Variants in CCL11 observed in about 807,000 individuals in gnomAD.
The protein encoded by CCL11 is C-C motif chemokine ligand 11, also known as eotaxin.
CCL11 carries 7 observed loss-of-function variants against 7.3 expected under a neutral mutation model. The observed-to-expected ratio is 0.96, with a 90% confidence interval of 0.55 to 1.81. The LOEUF is 1.81. Ranked by LOEUF, CCL11 falls within the 40% of genes most tolerant of loss-of-function variation. CCL11 has a pLI of 0.00. For synonymous variants in CCL11, 66 were observed against 45.2 expected (o/e 1.46, Z -1.84); for missense variants, 132 against 114.2 (o/e 1.16, Z -0.71).
At chr17:34,287,327 A>T in intron 2 of CCL11, 120 bp downstream of exon 2, 1 of 723,522 alleles carries the variant, frequency 1.4e-6, no homozygotes, top group Non-Finnish European at 2.4e-6. Flanking sequence ...CTATGGTCCA[A>T]TTCATTAATT....
Position 34,285,844 on chromosome 17 carries a change from C to T in CCL11, c.36C>T (p.Leu12=), listed in dbSNP as rs200074672. The T allele has an allele frequency of 5.0e-6, 8 of 1,612,664 alleles. No individual in the cohort carries two copies. The Admixed American group carries it at 1.0e-4, about 20-fold the overall frequency. Residue 12 remains leucine, a synonymous_variant, in exon 1 of 3, where the codon CTC becomes CTT. Transcript: ENST00000305869. The part of the protein sequence containing the change: ...KVSAALLWLL[L]IAAAFSPQGL... ...CCGCAGCACTTCTGTGGCTGCTGCTCATAGCAGCTGCCTTCAGCCCCCAGG... is the reference window on the plus strand; with the variant it reads ...CCGCAGCACTTCTGTGGCTGCTGCTTATAGCAGCTGCCTTCAGCCCCCAGG...
At chr17:34,286,471 A>G (rs1908636428) in intron 1 of CCL11, among the ~76,000 whole-genome samples, 1 of 152,232 alleles carries the variant, frequency 6.6e-6, no homozygotes, top group South Asian at 2.1e-4. Flanking sequence ...GAATTAACTA[A>G]ATTAACAAAA....
Position 34,285,904 on chromosome 17 carries a change from A to G in CCL11, c.76+20A>G, listed in dbSNP as rs748816554. The G allele has an allele frequency of 3.2e-6, 5 of 1,580,382 alleles. No individual in the cohort carries two copies. In the South Asian group the frequency reaches 5.6e-5, roughly 18 times the overall value. The stretch of plus-strand genomic sequence containing the variant: ...GGCCAGGTAAGCCCCCCAACTCCTT[A>G]CAGGAAAGGTAAGGTAACCACCTCC... On this transcript the variant is annotated intron_variant, in intron 1 of 2. Transcript: ENST00000305869.
intron 1 of CCL11, among the ~76,000 whole-genome samples, chr17:34,286,296 C>T (rs762081609): frequency 1.4e-4 from 22 of 152,264 alleles, no homozygotes; most frequent in Non-Finnish European, 2.9e-4. Flanking sequence ...CCAGGGGGAT[C>T]TCTTGAGGTG....
In CCL11 at chr17:34,287,114, G is replaced by C; in HGVS notation, c.95G>C (p.Cys32Ser). 6.2e-7 allele frequency: 1 copy of C among 1,613,608 alleles called. No homozygotes were observed. Among genetic ancestry groups the C allele is most frequent in the Non-Finnish European group, 8.5e-7 (1 of 1,179,720 alleles). The change falls in exon 2 of 3, where the codon TGC (cysteine) becomes TCC (serine). Residue 32 changes from cysteine to serine, a missense_variant. By Grantham distance (112) the Cys-to-Ser change is moderately radical. Coordinates refer to ENST00000305869, the MANE Select transcript of CCL11 (RefSeq NM_002986.3). ...LAGPASVPTT[C>S]CFNLANRKIP... Reference sequence around the variant, plus strand: ...AATTCAGCTTCTGTCCCAACCACCTGCTGCTTTAACCTGGCCAATAGGAAG... The same window carrying C: ...AATTCAGCTTCTGTCCCAACCACCTCCTGCTTTAACCTGGCCAATAGGAAG...
intron 1 of CCL11, 28 bp downstream of exon 1, chr17:34,285,912 G>T (rs368039965): frequency 2.6e-5 from 40 of 1,529,314 alleles, no homozygotes; most frequent in Non-Finnish European, 3.3e-5. Flanking sequence ...TTACAGGAAA[G>T]GTAAGGTAAC....
In CCL11 at chr17:34,287,659, TG is replaced by T; in HGVS notation, c.265del (p.Asp89ThrfsTer11). On this transcript the variant is annotated frameshift_variant, in exon 3 of 3. Transcript: ENST00000305869. LOFTEE classifies it high-confidence loss of function. The stretch of plus-strand genomic sequence containing the variant: ...TGGGTGCAGGATTCCATGAAGTATC[TG>T]GACCAAAAATCTCCAACTCCAAAGC... ...KKWVQDSMKYLDQKSPTPKP is the reference protein window; with the variant it reads ...KKWVQDSMKYXDQKSPTPKP The T allele has an allele frequency of 1.2e-6, 2 of 1,613,844 alleles. No homozygotes were observed. Among genetic ancestry groups the T allele is most frequent in the East Asian group, 2.2e-5 (1 of 44,880 alleles).
chr17:34,287,458 G>A (rs2142212316), intron 2 of CCL11, 127 bp from the exon 3 acceptor site: 2 of 698,402 alleles, frequency 2.9e-6, no homozygotes, highest in Non-Finnish European at 2.5e-6. Context: ...ACTAACCCAA[G>A]AGTCTCATCC....
rs1466516560 is a variant in CCL11, at chr17:34,287,824, TTTTA to T, written c.*135_*138del. The T allele has an allele frequency of 2.6e-5, 8 of 305,240 alleles. No individual in the cohort carries two copies. The highest frequency in any genetic ancestry group is 1.6e-4 in the East Asian group (3 of 18,718). The allele number at this position is 305,240 out of a possible 1,614,324, so 18.9% of individuals were successfully genotyped here. A position where few individuals can be genotyped will look rare whatever the true frequency, so the allele number is the denominator to read the frequency against. On this transcript the variant is annotated 3_prime_UTR_variant, in exon 3 of 3. Coordinates refer to ENST00000305869, the MANE Select transcript of CCL11 (RefSeq NM_002986.3). ...TTTTATTATATATATATATTTTTTT[TTTTA>T]AAAAAAAAACGTATTGCATTTAATT...
intron 2 of CCL11, 49 bp from the exon 3 acceptor site, chr17:34,287,536 C>G (rs1434359988): frequency 7.5e-7 from 1 of 1,342,050 alleles, no homozygotes; most frequent in Non-Finnish European, 1.1e-6. Context: ...GTCAAATGGG[C>G]AGAATTTTCA....
chr17:34,287,646 T>G lies in CCL11; in HGVS notation c.250T>G (p.Ser84Ala). ...CCCCAAGAAGAAGTGGGTGCAGGAT[T>G]CCATGAAGTATCTGGACCAAAAATC... is the stretch of plus-strand genomic sequence containing the variant. ...ADPKKKWVQD[S>A]MKYLDQKSPT... The change falls in exon 3 of 3, where the codon TCC becomes GCC. Residue 84 changes from serine (S) to alanine (A), a missense_variant. Physicochemically the swap from Ser to Ala is moderately conservative, Grantham distance 99 (BLOSUM62 1). Coordinates refer to ENST00000305869, the MANE Select transcript of CCL11 (RefSeq NM_002986.3). 1 of 1,613,894 alleles carries G rather than the reference T, an allele frequency of 6.2e-7. No homozygotes were observed. Among genetic ancestry groups the G allele is most frequent in the Non-Finnish European group, 8.5e-7 (1 of 1,179,944 alleles).
At chr17:34,286,030 C>G in intron 1 of CCL11, 146 bp downstream of exon 1, 2 of 608,300 alleles carry the variant, frequency 3.3e-6, no homozygotes, top group Non-Finnish European at 5.8e-6. Flanking sequence ...ATGCCTCAAC[C>G]TCACATCCAG....
chr17:34,286,844 T>C (rs1034856738), intron 1 of CCL11, among the ~76,000 whole-genome samples: 1 of 152,210 alleles, frequency 6.6e-6, no homozygotes, highest in Non-Finnish European at 1.5e-5. Context: ...GAGCTAGCAT[T>C]TGTCACATTG....
intron 1 of CCL11, among the ~76,000 whole-genome samples, 187 bp downstream of exon 1, chr17:34,286,071 C>T (rs773009467): frequency 4.6e-5 from 7 of 152,194 alleles, no homozygotes; most frequent in Non-Finnish European, 8.8e-5. Flanking sequence ...AGAAAGCTCC[C>T]GAGTCTTTTC....
Position 34,287,636 on chromosome 17 carries a change from G to T in CCL11, c.240G>T (p.Trp80Cys). ...TCTGTGCCGACCCCAAGAAGAAGTG[G>T]GTGCAGGATTCCATGAAGTATCTGG... ...KDICADPKKK[W>C]VQDSMKYLDQ... is the part of the protein sequence containing the mutation. The change falls in exon 3 of 3, where the codon TGG (tryptophan) becomes TGT (cysteine). Residue 80 changes from tryptophan (W) to cysteine (C), a missense_variant. Trp to Cys is a radical substitution (Grantham distance 215). Transcript: ENST00000305869. The T allele has an allele frequency of 6.2e-7, 1 of 1,613,720 alleles. No individual in the cohort carries two copies. Among genetic ancestry groups the T allele is most frequent in the South Asian group, 1.1e-5 (1 of 91,022 alleles).
intron 2 of CCL11, 77 bp from the exon 3 acceptor site, chr17:34,287,508 G>C: frequency 9.9e-7 from 1 of 1,012,434 alleles, no homozygotes; most frequent in Admixed American, 1.8e-5. Flanking sequence ...AGGGGCAGAT[G>C]GTCCTTAAAT....
In CCL11 at chr17:34,285,826, A is replaced by T. The variant is rs1203486978; in HGVS notation, c.18A>T (p.Ala6=). Residue 6 remains alanine (A), a synonymous_variant, in exon 1 of 3, where the codon GCA becomes GCT. Transcript: ENST00000305869. The part of the protein sequence containing the change: MKVSA[A]LLWLLLIAAA... ...CCTCCAACATGAAGGTCTCCGCAGC[A>T]CTTCTGTGGCTGCTGCTCATAGCAG... The T allele has an allele frequency of 6.2e-7, 1 of 1,613,174 alleles. No homozygotes were observed. Among genetic ancestry groups the T allele is most frequent in the Non-Finnish European group, 8.5e-7 (1 of 1,179,530 alleles).
At chr17:34,286,363 T>A (rs1204081161) in intron 1 of CCL11, among the ~76,000 whole-genome samples, 1 of 152,250 alleles carries the variant, frequency 6.6e-6, no homozygotes, top group Non-Finnish European at 1.5e-5. Context: ...ATAACTCATT[T>A]TCCCATACTC....
intron 2 of CCL11, 101 bp downstream of exon 2, chr17:34,287,308 G>T: frequency 1.2e-6 from 1 of 831,254 alleles, no homozygotes; most frequent in East Asian, 2.6e-5. Flanking sequence ...GACTCTGATA[G>T]TTTGACCTCT....
Sources: allele counts gnomAD v4.1 joint callset (sites outside exome capture counted in the v4.1 genomes callset), GRCh38; gene constraint gnomAD v4.1.1; transcripts MANE v1.5; gene names NCBI Gene and HGNC (gene_info 2026-07-23, HGNC 2026-07-21).